Variants in ADGRE2 observed in about 807,000 individuals in gnomAD.
ADGRE2 encodes adhesion G protein-coupled receptor E2, also known as CD97 antigen.
A neutral mutation model predicts 100.8 loss-of-function variants in ADGRE2; 83 were observed. That is an observed-to-expected ratio of 0.82 (90% confidence interval 0.69 to 0.99). The LOEUF (loss-of-function observed/expected upper bound fraction) is 0.99. ADGRE2 is among the 50% of genes least tolerant of loss of function. The pLI is 0.00. For missense variants in ADGRE2, 814 were observed against 1,035.7 expected, an observed-to-expected ratio of 0.79 and a Z score of 2.94; for synonymous variants, 355 against 413.0, an observed-to-expected ratio of 0.86 and a Z score of 1.70.
Position 14,746,216 on chromosome 19 carries a change from C to A in ADGRE2, c.2183+16G>T. 6.8e-7 allele frequency: 1 copy of A among 1,470,142 alleles called. No homozygotes were observed. 91.1% of individuals were successfully genotyped at this position (1,470,142 alleles called of 1,614,324 possible). ...CATACATGTCTGTGTGGTTATCACC[C>A]CCTTCTCCATCTTACCTTGTGTTCC... On this transcript the variant is annotated intron_variant, in intron 18 of 20. Coordinates refer to ENST00000315576, the MANE Select transcript of ADGRE2 (RefSeq NM_013447.4).
chr19:14,731,471 TGACTGTTA>T (rs1221116121), downstream of ADGRE2: 1 of 458,228 alleles, frequency 2.2e-6, no homozygotes, highest in African/African-American at 2.0e-5. Flanking sequence ...AGCCGTGCAA[TGACTGTTA>T]GATGCAGAAA....
chr19:14,770,600 A>C (rs541454071), intron 5 of ADGRE2, among the ~76,000 whole-genome samples: 3 of 151,412 alleles, frequency 2.0e-5, no homozygotes, highest in African/African-American at 7.3e-5. Flanking sequence ...CCATTCCCCA[A>C]ATGGGGCTGT....
At position 14,739,185 on chromosome 19, in the gene ADGRE2, G is replaced by A. The variant is rs531538566; in HGVS notation, c.2464-2941C>T. ...GGGTCTTGCCATGTTGGCCAGGCTG[G>A]TCTCGAACTCCTGACCTCAAGTGCT... On this transcript the variant is annotated intron_variant, in intron 20 of 20. Transcript: ENST00000315576. Among the ~76,000 whole-genome samples the A allele has an allele frequency of 7.2e-5, 11 of 152,166 alleles. No individual in the cohort carries two copies. In the East Asian group the frequency reaches 1.5e-3, roughly 21 times the overall value.
Position 14,774,148 on chromosome 19 carries a change from C to T in ADGRE2, c.83-94G>A, listed in dbSNP as rs547532259. The stretch of plus-strand genomic sequence containing the variant: ...AGATGGGGCAGAGCGCTGAGTTTCC[C>T]GTGCACGAGCCCTCTCTTTCCCTGG... On this transcript the variant is annotated intron_variant, in intron 3 of 20. Transcript: ENST00000315576. 66 of 1,521,812 alleles carry T rather than the reference C, an allele frequency of 4.3e-5. 1 individual carries two copies. In the Admixed American group the frequency reaches 6.6e-4, roughly 15 times the overall value. 94.3% of individuals were successfully genotyped at this position (1,521,812 alleles called of 1,614,324 possible).
At chr19:14,751,929 ATATTTTT>A (rs370225468) in intron 15 of ADGRE2, among the ~76,000 whole-genome samples, 561 of 83,624 alleles carry the variant, frequency 6.7e-3, no homozygotes, top group African/African-American at 0.022. Context: ...ATATATATAT[ATATTTTT>A]TTTTTTTTTT....
At chr19:14,746,850 A>G (rs893584283) in intron 17 of ADGRE2, 46 bp downstream of exon 17, 1 of 1,569,362 alleles carries the variant, frequency 6.4e-7, no homozygotes, top group Non-Finnish European at 8.7e-7. Context: ...TGTTTTTCTA[A>G]TGACCCTCAG....
intron 17 of ADGRE2, 38 bp downstream of exon 17, chr19:14,746,858 C>T: frequency 6.3e-7 from 1 of 1,590,036 alleles, no homozygotes; most frequent in Non-Finnish European, 8.6e-7. Context: ...TAATGACCCT[C>T]AGCGGGGCAG....
intron 20 of ADGRE2, among the ~76,000 whole-genome samples, chr19:14,736,637 G>T (rs540041340): frequency 3.0e-4 from 43 of 143,954 alleles, no homozygotes; most frequent in Middle Eastern, 3.7e-3. Flanking sequence ...GAAATATATA[G>T]ATATTTAGAA....
At chr19:14,769,184 G>A (rs1215532751) in intron 5 of ADGRE2, among the ~76,000 whole-genome samples, 1 of 151,688 alleles carries the variant, frequency 6.6e-6, no homozygotes, top group African/African-American at 2.4e-5. Context: ...GAGGCCAGGA[G>A]TTCGAGACCA....
At chr19:14,751,374 A>T in intron 16 of ADGRE2, 62 bp downstream of exon 16, 1 of 1,258,290 alleles carries the variant, frequency 7.9e-7, no homozygotes, top group Non-Finnish European at 1.2e-6. Context: ...AATGCTATCT[A>T]GGTTCTAGCA....
At chr19:14,727,378 G>A in the ADGRE2 span, among the ~76,000 whole-genome samples, 5 of 152,258 alleles carry the variant, frequency 3.3e-5, no homozygotes, top group East Asian at 9.7e-4. Flanking sequence ...CACAAACATG[G>A]TACCAACATC....
intron 14 of ADGRE2, among the ~76,000 whole-genome samples, chr19:14,754,313 C>A (rs1225027465): frequency 6.7e-6 from 1 of 148,720 alleles, no homozygotes; most frequent in African/African-American, 2.5e-5. Context: ...ATATAGATCT[C>A]TCTCTATATA....
chr19:14,777,035 A>G, intron 1 of ADGRE2, 108 bp from the exon 2 acceptor site: 1 of 1,258,412 alleles, frequency 7.9e-7, no homozygotes, highest in Non-Finnish European at 1.0e-6. Flanking sequence ...CTCAGCAAGA[A>G]TGAAGTGCAA....
At chr19:14,770,921 C>G (rs1188919743) in intron 5 of ADGRE2, among the ~76,000 whole-genome samples, 1 of 151,964 alleles carries the variant, frequency 6.6e-6, no homozygotes, top group African/African-American at 2.4e-5. Context: ...CTCAGGTGAT[C>G]CACCCGCCTC....
Position 14,765,757 on chromosome 19 carries a change from C to A in ADGRE2, c.682G>T (p.Val228Phe), listed in dbSNP as rs370870110. Residue 228 changes from valine to phenylalanine, a missense_variant, in exon 8 of 21, where the codon GTC becomes TTC. By Grantham distance (50) the Val-to-Phe change is conservative (BLOSUM62 -1). Coordinates refer to ENST00000315576, the MANE Select transcript of ADGRE2 (RefSeq NM_013447.4). ...TATGAACCCACGGTGTTGAAGCAGACGGTGGAGCTGTCACACTGATGCTGC... is the reference window on the plus strand; with the variant it reads ...TATGAACCCACGGTGTTGAAGCAGAAGGTGGAGCTGTCACACTGATGCTGC... ...SGQHQCDSSTVCFNTVGSYSC... is the reference protein window; with the variant it reads ...SGQHQCDSSTFCFNTVGSYSC... 32 of 1,612,878 alleles carry A rather than the reference C, an allele frequency of 2.0e-5. No individual in the cohort carries two copies. The highest frequency in any genetic ancestry group is 2.7e-5 in the Non-Finnish European group (32 of 1,179,066).
intron 2 of ADGRE2, among the ~76,000 whole-genome samples, chr19:14,775,860 GAAA>G (rs3057586): frequency 0.012 from 1,287 of 107,882 alleles, 20 homozygotes; most frequent in African/African-American, 0.044. Flanking sequence ...CTCCGCCTCA[GAAA>G]AAAAAAAAAA....
intron 16 of ADGRE2, 111 bp downstream of exon 16, chr19:14,751,324 TA>T: frequency 1.4e-6 from 1 of 740,238 alleles, no homozygotes. Flanking sequence ...CAATAGAGCC[TA>T]AAATCCCTAC....
intron 2 of ADGRE2, among the ~76,000 whole-genome samples, chr19:14,774,691 TGAG>T (rs1568630401): frequency 5.0e-5 from 7 of 139,756 alleles, no homozygotes; most frequent in African/African-American, 1.9e-4. Context: ...TCTTTCTTTT[TGAG>T]ACAGGGTCTT....
At chr19:14,737,850 G>A (rs113692974) in intron 20 of ADGRE2, among the ~76,000 whole-genome samples, 3 of 151,792 alleles carry the variant, frequency 2.0e-5, no homozygotes, top group Non-Finnish European at 2.9e-5. Flanking sequence ...GGTGGCAGGC[G>A]CCTGTAGTCC....
Sources: allele counts gnomAD v4.1 joint callset (sites outside exome capture counted in the v4.1 genomes callset), GRCh38; gene constraint gnomAD v4.1.1; transcripts MANE v1.5; gene names NCBI Gene and HGNC (gene_info 2026-07-23, HGNC 2026-07-21).